TENM3: variants seen among roughly 807,000 people sequenced by gnomAD.
TENM3 encodes the protein teneurin transmembrane protein 3.
Under a neutral mutation model 255.1 loss-of-function variants are expected in TENM3, and 63 were observed. The observed-to-expected ratio is 0.25, with a 90% CI of 0.20 to 0.30. The LOEUF (loss-of-function observed/expected upper bound fraction) is 0.30. TENM3 is among the 10% of genes least tolerant of loss of function. TENM3 has a pLI of 1.00. For missense variants in TENM3, 2,929 were observed against 3,461.1 expected, an observed-to-expected ratio of 0.85 and a Z score of 3.86; for synonymous variants, 1,306 against 1,322.3, an observed-to-expected ratio of 0.99 and a Z score of 0.27.
chr4:181,757,676 G>T, the TENM3 span, among the ~76,000 whole-genome samples: 1 of 152,240 alleles, frequency 6.6e-6, no homozygotes, highest in South Asian at 2.1e-4. Context: ...GTTTGTAAAG[G>T]TAATGCCCAT....
Position 182,489,490 on chromosome 4 carries a change from G to T in TENM3, c.512-111434G>T, listed in dbSNP as rs558686957. ...GGTTTGTGTGGATTTATAGGACGGG[G>T]GTAAACATGCCAAGTCACATAGTGG... On this transcript the variant is annotated intron_variant, in intron 3 of 27. Transcript: ENST00000511685. Among the ~76,000 whole-genome samples, 5 of 151,940 alleles carry T rather than the reference G, an allele frequency of 3.3e-5. No homozygotes were observed. The South Asian group carries it at 1.0e-3, about 32-fold the overall frequency.
chr4:181,619,130 C>T, the TENM3 span, among the ~76,000 whole-genome samples: 5 of 152,120 alleles, frequency 3.3e-5, no homozygotes, highest in African/African-American at 9.7e-5. Context: ...CCAAGGGGGC[C>T]GTGAGGAGAT....
chr4:181,742,449 C>A, the TENM3 span, among the ~76,000 whole-genome samples: 1 of 151,988 alleles, frequency 6.6e-6, no homozygotes, highest in Non-Finnish European at 1.5e-5. Flanking sequence ...GTACCAGGAA[C>A]TATTTCTGGT....
chr4:182,593,091 G>C (rs568955614), intron 3 of TENM3, among the ~76,000 whole-genome samples: 8 of 152,204 alleles, frequency 5.3e-5, no homozygotes, highest in African/African-American at 1.9e-4. Context: ...AGAGTCCAGT[G>C]TACTTTCTGT....
the TENM3 span, among the ~76,000 whole-genome samples, chr4:181,463,504 A>G: frequency 6.6e-6 from 1 of 152,214 alleles, no homozygotes; most frequent in Non-Finnish European, 1.5e-5. Context: ...TCTTTAAGGT[A>G]AAAACTATGT....
the TENM3 span, among the ~76,000 whole-genome samples, chr4:182,123,009 CA>C: frequency 2.0e-5 from 3 of 152,296 alleles, no homozygotes; most frequent in South Asian, 6.2e-4. Context: ...TTCCTTAAAC[CA>C]ACTTCTTGAA....
At position 182,796,740 on chromosome 4, in the gene TENM3, G is replaced by T. The variant is rs1160124902; in HGVS notation, c.7317G>T (p.Val2439=). The T allele has an allele frequency of 1.9e-6, 3 of 1,610,434 alleles. No homozygotes were observed. The highest frequency in any genetic ancestry group is 2.7e-5 in the African/African-American group (2 of 74,864). ...TAACAGAACCTTCTTACGAACTTGT[G>T]AAGAGTCAGCAGTGGGATGATATAC... ...FDLTEPSYEL[V]KSQQWDDIPP... Residue 2439 remains valine, a synonymous_variant, in exon 27 of 28, where the codon GTG becomes GTT. Transcript: ENST00000511685.
At chr4:181,885,764 C>T in the TENM3 span, among the ~76,000 whole-genome samples, 1 of 152,196 alleles carries the variant, frequency 6.6e-6, no homozygotes, top group Admixed American at 6.5e-5. Context: ...TTAAATGCCA[C>T]TTACAAAATA....
At chr4:182,738,364 C>A in intron 17 of TENM3, 37 bp from the exon 18 acceptor site, 2 of 1,525,398 alleles carry the variant, frequency 1.3e-6, no homozygotes, top group Non-Finnish European at 8.8e-7. Flanking sequence ...TTCCCCCAGT[C>A]GTTGGAAAGA....
the TENM3 span, among the ~76,000 whole-genome samples, chr4:181,817,091 C>G: frequency 6.6e-6 from 1 of 152,222 alleles, no homozygotes; most frequent in Admixed American, 6.5e-5. Context: ...CTATGCCATG[C>G]TGCATCCAGA....
At chr4:182,160,160 G>T (rs7681331) in intron 1 of TENM3, among the ~76,000 whole-genome samples, 19,562 of 148,718 alleles carry the variant, frequency 0.13, 1,741 homozygotes, top group East Asian at 0.38. Flanking sequence ...CCGCCACCAC[G>T]CCTGGCTAAT....
intron 1 of TENM3, among the ~76,000 whole-genome samples, chr4:182,290,885 A>G (rs1465781691): frequency 1.3e-5 from 2 of 151,102 alleles, no homozygotes; most frequent in East Asian, 2.0e-4. Flanking sequence ...CGGTGGCACA[A>G]TCTCTGTTCA....
At chr4:182,410,609 C>A (rs1769916405) in intron 3 of TENM3, among the ~76,000 whole-genome samples, 1 of 152,154 alleles carries the variant, frequency 6.6e-6, no homozygotes, top group Non-Finnish European at 1.5e-5. Context: ...ATAGGAGTCA[C>A]TTTTTACGTA....
the TENM3 span, among the ~76,000 whole-genome samples, chr4:181,580,461 T>C: frequency 6.6e-6 from 1 of 152,140 alleles, no homozygotes; most frequent in East Asian, 1.9e-4. Context: ...GGAGTCTCTG[T>C]GCAAAGTATT....
At chr4:181,647,159 A>G in the TENM3 span, among the ~76,000 whole-genome samples, 6 of 152,210 alleles carry the variant, frequency 3.9e-5, no homozygotes, top group African/African-American at 9.7e-5. Context: ...AAAGTTTCCA[A>G]AGAACATGAT....
chr4:181,796,402 C>T, the TENM3 span, among the ~76,000 whole-genome samples: 1 of 152,182 alleles, frequency 6.6e-6, no homozygotes, highest in Admixed American at 6.5e-5. Flanking sequence ...GGAATGGTTA[C>T]TTTCAGCTGG....
At chr4:181,462,802 A>C in the TENM3 span, among the ~76,000 whole-genome samples, 8 of 152,128 alleles carry the variant, frequency 5.3e-5, no homozygotes, top group African/African-American at 1.9e-4. Flanking sequence ...TCCATCAATG[A>C]TGACACTGAT....
At chr4:182,036,807 T>G in the TENM3 span, among the ~76,000 whole-genome samples, 1 of 152,162 alleles carries the variant, frequency 6.6e-6, no homozygotes, top group Non-Finnish European at 1.5e-5. Context: ...ATAAAAAAAT[T>G]ACTTAAATAC....
At chr4:181,884,698 C>A in the TENM3 span, among the ~76,000 whole-genome samples, 2 of 152,152 alleles carry the variant, frequency 1.3e-5, no homozygotes, top group South Asian at 2.1e-4. Flanking sequence ...ATAATCTAAT[C>A]TTTTCAGTCT....
Sources: allele counts gnomAD v4.1 joint callset (sites outside exome capture counted in the v4.1 genomes callset), GRCh38; gene constraint gnomAD v4.1.1; transcripts MANE v1.5; gene names NCBI Gene and HGNC (gene_info 2026-07-23, HGNC 2026-07-21).